PCDHGA8: variants seen among roughly 807,000 people sequenced by gnomAD.
The protein encoded by PCDHGA8 is protocadherin gamma subfamily A, 8.
A neutral mutation model predicts 59.2 loss-of-function variants in PCDHGA8; 45 were observed. That is an observed-to-expected ratio of 0.76 (90% CI 0.60 to 0.98). The LOEUF (loss-of-function observed/expected upper bound fraction) is 0.98, where lower values mean the gene tolerates loss of function less well. Ranked by LOEUF, PCDHGA8 falls within the 50% of genes least tolerant of loss-of-function variation. PCDHGA8 has a pLI of 0.00. For missense variants in PCDHGA8, 1,257 were observed against 1,196.2 expected (o/e 1.05, Z -0.75); for synonymous variants, 531 against 519.0 (o/e 1.02, Z -0.32).
At chr5:141,423,841 T>A (rs1413277726) in intron 1 of PCDHGA8, 15 of 1,282,014 alleles carry the variant, frequency 1.2e-5, no homozygotes, top group Non-Finnish European at 1.4e-5. Context: ...ATTACGATAA[T>A]CTTTCAGAAC....
chr5:141,492,091 C>G (rs930375969), intron 1 of PCDHGA8, among the ~76,000 whole-genome samples: 5 of 152,242 alleles, frequency 3.3e-5, no homozygotes, highest in Non-Finnish European at 5.9e-5. Flanking sequence ...CACGCTTCGC[C>G]GGTCTGTAGA....
chr5:141,435,108 G>A lies in PCDHGA8; in HGVS notation c.2424+39871G>A, dbSNP rs1027955145. ...AACTGATCTGTTTATCTAGGGGGGA[G>A]AAATCTAATTCAATGGAAAATATAA... On this transcript the variant is annotated intron_variant, in intron 1 of 3. Transcript: ENST00000398604. Among the ~76,000 whole-genome samples, 3 of 152,144 alleles carry A rather than the reference G, an allele frequency of 2.0e-5. No homozygotes were observed. In the South Asian group the frequency reaches 6.2e-4, roughly 32 times the overall value.
chr5:141,449,943 C>G (rs1561937416), intron 1 of PCDHGA8, among the ~76,000 whole-genome samples: 1 of 151,186 alleles, frequency 6.6e-6, no homozygotes, highest in African/African-American at 2.4e-5. Flanking sequence ...GTATATTTTA[C>G]TATACCTCAT....
chr5:141,474,626 G>A (rs1006911535), intron 1 of PCDHGA8, among the ~76,000 whole-genome samples: 5 of 152,288 alleles, frequency 3.3e-5, no homozygotes, highest in African/African-American at 9.6e-5. Flanking sequence ...CATCTCTTCC[G>A]GAAATATCCT....
intron 1 of PCDHGA8, among the ~76,000 whole-genome samples, chr5:141,481,695 T>A (rs2099542216): frequency 1.3e-5 from 2 of 152,122 alleles, no homozygotes; most frequent in Non-Finnish European, 2.9e-5. Context: ...GGCTCACGCC[T>A]GTAATCCCAG....
Position 141,415,576 on chromosome 5 carries a change from T to C in PCDHGA8, c.2424+20339T>C, listed in dbSNP as rs182127695. 9.5e-5 allele frequency: 153 copies of C among 1,614,182 alleles called. No individual in the cohort carries two copies. The Admixed American group carries it at 1.6e-3, about 17-fold the overall frequency. Reference sequence around the variant, plus strand: ...CGATCCTTTGTCTTTGTTAGATGATTCGAAGTTTCCTATAGAGGATACCCC... The same window carrying C: ...CGATCCTTTGTCTTTGTTAGATGATCCGAAGTTTCCTATAGAGGATACCCC... On this transcript the variant is annotated intron_variant, in intron 1 of 3. Transcript: ENST00000398604.
intron 1 of PCDHGA8, among the ~76,000 whole-genome samples, chr5:141,436,181 T>A (rs1050736907): frequency 1.3e-5 from 2 of 152,092 alleles, no homozygotes; most frequent in African/African-American, 4.8e-5. Context: ...TCATATATAG[T>A]CAAATAGAAA....
At chr5:141,456,777 A>G (rs572940615) in intron 1 of PCDHGA8, among the ~76,000 whole-genome samples, 2 of 152,214 alleles carry the variant, frequency 1.3e-5, no homozygotes, top group Admixed American at 6.5e-5. Flanking sequence ...AGCCTGGCCT[A>G]CATGGCAAAA....
intron 1 of PCDHGA8, chr5:141,479,217 A>G (rs1433108919): frequency 1.3e-5 from 2 of 152,400 alleles, no homozygotes; most frequent in Non-Finnish European, 2.9e-5. Context: ...TTAAAAAATT[A>G]AAACTATAAT....
At chr5:141,405,227 C>T (rs562247940) in intron 1 of PCDHGA8, 1 of 1,614,114 alleles carries the variant, frequency 6.2e-7, no homozygotes, top group South Asian at 1.1e-5. Flanking sequence ...GGAGTTCTCC[C>T]TCACCGCTGA....
chr5:141,405,339 A>T (rs980651625), intron 1 of PCDHGA8: 12 of 1,614,060 alleles, frequency 7.4e-6, no homozygotes, highest in Non-Finnish European at 1.0e-5. Context: ...GTCTCTGTTG[A>T]TTCCAAGTTT....
rs1454395834 is a variant in PCDHGA8, at chr5:141,413,223, G to A, written c.2424+17986G>A. The stretch of plus-strand genomic sequence containing the variant: ...CAAAGGAATCAAAGGATTGCAGCGG[G>A]CTGGTCCTGCTCTGCCTTTTCTTCG... On this transcript the variant is annotated intron_variant, in intron 1 of 3. Transcript: ENST00000398604. 4 of 1,613,694 alleles carry A rather than the reference G, an allele frequency of 2.5e-6. No individual in the cohort carries two copies. In the African/African-American group the frequency reaches 4.0e-5, roughly 16 times the overall value.
Position 141,486,772 on chromosome 5 carries a change from T to A in PCDHGA8, c.2425-8035T>A. ...ATGAGCAAACCCAGACACTGCAGTT[T>A]GAGGTGCAGGCCCGGGATCGGGGCA... is the stretch of plus-strand genomic sequence containing the variant. On this transcript the variant is annotated intron_variant, in intron 1 of 3. Coordinates refer to ENST00000398604, the MANE Select transcript of PCDHGA8 (RefSeq NM_032088.2). The surrounding 1 kb of genome is among the most constrained non-coding windows in gnomAD (Gnocchi z 5.0). 1 of 1,614,246 alleles carries A rather than the reference T, an allele frequency of 6.2e-7. No homozygotes were observed. Among genetic ancestry groups the A allele is most frequent in the South Asian group, 1.1e-5 (1 of 91,088 alleles).
chr5:141,408,878 G>A lies in PCDHGA8; in HGVS notation c.2424+13641G>A. The stretch of plus-strand genomic sequence containing the variant: ...AGGGGACCCACCAAGAAGTGCCACC[G>A]CTCACATAGAAATTTCTGTCAAGGA... On this transcript the variant is annotated intron_variant, in intron 1 of 3. Coordinates refer to ENST00000398604, the MANE Select transcript of PCDHGA8 (RefSeq NM_032088.2). 1.9e-6 allele frequency: 3 copies of A among 1,613,048 alleles called. No homozygotes were observed. Among genetic ancestry groups the A allele is most frequent in the Non-Finnish European group, 1.7e-6 (2 of 1,179,590 alleles).
intron 1 of PCDHGA8, among the ~76,000 whole-genome samples, chr5:141,458,876 G>T (rs187470646): frequency 5.0e-4 from 76 of 152,248 alleles, no homozygotes; most frequent in African/African-American, 1.7e-3. Context: ...GGGACTACAG[G>T]CATGCACACC....
chr5:141,432,991 CG>C lies in PCDHGA8; in HGVS notation c.2424+37758del. 1.9e-6 allele frequency: 3 copies of C among 1,614,200 alleles called. No homozygotes were observed. Among genetic ancestry groups the C allele is most frequent in the Non-Finnish European group, 2.5e-6 (3 of 1,180,030 alleles). On this transcript the variant is annotated intron_variant, in intron 1 of 3. Transcript: ENST00000398604. This position sits in a 1 kb window ranked among gnomAD's most constrained non-coding sequence, Gnocchi z 6.0. ...CGGCGTCGCACTTTGTGGGCGTGGACGGGGTGCAGGCTTTCCTGCAGACCTA... is the reference window on the plus strand; with the variant it reads ...CGGCGTCGCACTTTGTGGGCGTGGACGGGTGCAGGCTTTCCTGCAGACCTA...
At chr5:141,504,017 T>G (rs1186684262) in intron 2 of PCDHGA8, among the ~76,000 whole-genome samples, 1 of 152,150 alleles carries the variant, frequency 6.6e-6, no homozygotes, top group Non-Finnish European at 1.5e-5. Context: ...TCTCTGCTGG[T>G]CTCTTCCCAC....
chr5:141,482,470 C>T (rs768383368), intron 1 of PCDHGA8, among the ~76,000 whole-genome samples: 8 of 137,876 alleles, frequency 5.8e-5, no homozygotes, highest in Non-Finnish European at 1.2e-4. Flanking sequence ...ATGTGCCAGA[C>T]ACTGTAAACA....
intron 1 of PCDHGA8, chr5:141,427,973 C>G (rs754410723): frequency 3.1e-6 from 5 of 1,593,936 alleles, no homozygotes; most frequent in Non-Finnish European, 3.4e-6. Flanking sequence ...TGCTGTACCC[C>G]GCGCTGGGGC....
Sources: allele counts gnomAD v4.1 joint callset (sites outside exome capture counted in the v4.1 genomes callset), GRCh38; gene constraint gnomAD v4.1.1; non-coding constraint Gnocchi (gnomAD v3.1); transcripts MANE v1.5; gene names NCBI Gene and HGNC (gene_info 2026-07-23, HGNC 2026-07-21).